Variants in KCNT2 observed in about 807,000 individuals in gnomAD.
KCNT2 encodes the protein potassium sodium-activated channel subfamily T member 2, also known as potassium channel subfamily T member 2.
Under a neutral mutation model 153.8 loss-of-function variants are expected in KCNT2, and 67 were observed. The ratio of observed to expected loss-of-function variants is 0.44; its 90% CI spans 0.36 to 0.53. The LOEUF (loss-of-function observed/expected upper bound fraction) is 0.53. Ranked by LOEUF, KCNT2 falls within the 20% of genes least tolerant of loss-of-function variation. The pLI is 0.00. For missense variants in KCNT2, 975 were observed against 1,354.8 expected, an observed-to-expected ratio of 0.72 and a Z score of 4.40; for synonymous variants, 500 against 458.8, an observed-to-expected ratio of 1.09 and a Z score of -1.15.
At chr1:196,466,189 TA>T (rs1677600449) in intron 7 of KCNT2, among the ~76,000 whole-genome samples, 1 of 152,134 alleles carries the variant, frequency 6.6e-6, no homozygotes, top group African/African-American at 2.4e-5. Context: ...TTGTTTGAGT[TA>T]TTTTTTTCCA....
At chr1:196,398,200 A>G (rs1188255984) in intron 13 of KCNT2, among the ~76,000 whole-genome samples, 2 of 151,472 alleles carry the variant, frequency 1.3e-5, no homozygotes, top group Admixed American at 6.6e-5. Flanking sequence ...TCTATAGCCA[A>G]ATATCACCCA....
chr1:196,417,480 C>T (rs1326011895), intron 12 of KCNT2, among the ~76,000 whole-genome samples: 2 of 152,168 alleles, frequency 1.3e-5, no homozygotes, highest in African/African-American at 2.4e-5. Flanking sequence ...ATTTCCACTC[C>T]GCAGAGGCAG....
At position 196,388,015 on chromosome 1, in the gene KCNT2, T is replaced by G. The variant is rs1222949202; in HGVS notation, c.1294+10548A>C. Among the ~76,000 whole-genome samples the G allele has an allele frequency of 1.3e-5, 2 of 151,550 alleles. 1 individual carries two copies. Among genetic ancestry groups the G allele is most frequent in the Non-Finnish European group, 3.0e-5 (2 of 67,698 alleles). ...CTACTCAAGTCTGTGAAAACATTCC[T>G]CTATGTTTTATTTTAGATATGTTGT... On this transcript the variant is annotated intron_variant, in intron 13 of 27. Transcript: ENST00000294725.
chr1:196,465,669 AC>A (rs1677550220), intron 7 of KCNT2, among the ~76,000 whole-genome samples: 1 of 151,896 alleles, frequency 6.6e-6, no homozygotes, highest in African/African-American at 2.4e-5. Flanking sequence ...CAGGTGTTGC[AC>A]TTACTCCCCC....
chr1:196,367,450 T>C (rs1668137622), intron 14 of KCNT2, among the ~76,000 whole-genome samples: 1 of 152,184 alleles, frequency 6.6e-6, no homozygotes, highest in South Asian at 2.1e-4. Flanking sequence ...TTTAATCTAA[T>C]GATTTTTAAA....
chr1:196,503,860 G>A (rs1680897172), intron 1 of KCNT2, among the ~76,000 whole-genome samples: 2 of 152,146 alleles, frequency 1.3e-5, no homozygotes, highest in South Asian at 4.1e-4. Flanking sequence ...GCACTTAACT[G>A]GAAGAAGTCA....
At position 196,393,179 on chromosome 1, in the gene KCNT2, T is replaced by G. The variant is rs781103965; in HGVS notation, c.1294+5384A>C. Among the ~76,000 whole-genome samples, 69 of 151,532 alleles carry G rather than the reference T, an allele frequency of 4.6e-4. 1 individual carries two copies. The highest frequency in any genetic ancestry group is 5.3e-4 in the Non-Finnish European group (36 of 67,632). On this transcript the variant is annotated intron_variant, in intron 13 of 27. Transcript: ENST00000294725. ...ATTCACACTTTCATTCACTCCTTTG[T>G]TTTTACATCCTTTACTCCTACTTGT... is the stretch of plus-strand genomic sequence containing the variant.
intron 19 of KCNT2, among the ~76,000 whole-genome samples, chr1:196,324,627 G>C (rs1663663982): frequency 6.6e-6 from 1 of 152,010 alleles, no homozygotes. Context: ...ACATGTAGTA[G>C]TCATTGTAAT....
At chr1:196,453,254 G>A (rs1676375703) in intron 8 of KCNT2, among the ~76,000 whole-genome samples, 1 of 151,776 alleles carries the variant, frequency 6.6e-6, no homozygotes, top group South Asian at 2.1e-4. Context: ...TCCAATCACA[G>A]TAGTGGATTT....
intron 8 of KCNT2, among the ~76,000 whole-genome samples, chr1:196,430,048 T>C (rs1462564339): frequency 6.6e-6 from 1 of 152,120 alleles, no homozygotes; most frequent in Non-Finnish European, 1.5e-5. Flanking sequence ...ACATAGACAC[T>C]GAATGAACAT....
At chr1:196,309,629 C>A (rs563458329) in intron 21 of KCNT2, among the ~76,000 whole-genome samples, 1 of 152,004 alleles carries the variant, frequency 6.6e-6, no homozygotes, top group African/African-American at 2.4e-5. Context: ...CATAATGAAA[C>A]ACTGTATGTT....
chr1:196,348,647 G>C (rs945518943), intron 14 of KCNT2, among the ~76,000 whole-genome samples: 4 of 152,064 alleles, frequency 2.6e-5, no homozygotes, highest in African/African-American at 9.7e-5. Flanking sequence ...TTTAAAAAAA[G>C]TTAAAAAATA....
chr1:196,485,955 G>A (rs1352577111), intron 3 of KCNT2, among the ~76,000 whole-genome samples: 1 of 151,806 alleles, frequency 6.6e-6, no homozygotes, highest in African/African-American at 2.4e-5. Context: ...AAGAAAACAT[G>A]CACAATAATA....
chr1:196,449,823 T>TA (rs1024241231), intron 8 of KCNT2, among the ~76,000 whole-genome samples: 11 of 151,570 alleles, frequency 7.3e-5, no homozygotes, highest in African/African-American at 2.4e-4. Context: ...GAAAAAAGAA[T>TA]AAAAAATGAA....
Position 196,421,759 on chromosome 1 carries a change from A to G in KCNT2, c.1185+1291T>C, listed in dbSNP as rs561466407. 7.8e-4 allele frequency among the ~76,000 whole-genome samples: 119 copies of G among 152,164 alleles called. 1 individual carries two copies. In the South Asian group the frequency reaches 0.02, roughly 25 times the overall value. On this transcript the variant is annotated intron_variant, in intron 12 of 27. Transcript: ENST00000294725. ...TGAATGGCTTAAACAACAGAATGTT[A>G]TTGTCTCACAGTTCTACAGACTGGA...
At chr1:196,536,493 C>T (rs1436014283) in intron 1 of KCNT2, among the ~76,000 whole-genome samples, 1 of 152,200 alleles carries the variant, frequency 6.6e-6, no homozygotes, top group African/African-American at 2.4e-5. Context: ...AACAGTGGTC[C>T]AGACAGCAGT....
At chr1:196,257,190 A>G (rs767685690) in intron 26 of KCNT2, 153 of 961,642 alleles carry the variant, frequency 1.6e-4, no homozygotes, top group African/African-American at 7.1e-5. Flanking sequence ...GAATATACAC[A>G]TAAAGCACCT....
At chr1:196,410,852 C>T (rs1558256895) in intron 12 of KCNT2, among the ~76,000 whole-genome samples, 1 of 151,656 alleles carries the variant, frequency 6.6e-6, no homozygotes. Context: ...AGTCTTTAAG[C>T]TGATTTTTGT....
At chr1:196,320,668 T>C (rs1172040025) in intron 19 of KCNT2, among the ~76,000 whole-genome samples, 1 of 151,126 alleles carries the variant, frequency 6.6e-6, no homozygotes, top group Non-Finnish European at 1.5e-5. Context: ...TCTAGCTCTT[T>C]ACACTCTGAA....
Sources: gnomAD v4.1 joint callset for allele counts (sites outside exome capture counted in the v4.1 genomes callset) on GRCh38, gnomAD v4.1.1 for gene constraint, MANE v1.5 for transcripts, NCBI Gene and HGNC (gene_info 2026-07-23, HGNC 2026-07-21) for gene names.